The following BANK1 variants were observed in gnomAD, a reference collection of about 807,000 sequenced individuals.
BANK1 encodes B cell scaffold protein with ankyrin repeats 1.
BANK1 carries 95 observed loss-of-function variants against 94.5 expected under a neutral mutation model. The observed-to-expected ratio is 1.00, with a 90% CI of 0.85 to 1.19. The LOEUF (loss-of-function observed/expected upper bound fraction) is 1.19, where lower values mean the gene tolerates loss of function less well. Ranked by LOEUF, BANK1 falls within the 50% of genes most tolerant of loss-of-function variation. BANK1 has a pLI of 0.00. For synonymous variants in BANK1, 334 were observed against 308.4 expected, an observed-to-expected ratio of 1.08 and a Z score of -0.87; for missense variants, 987 against 932.2, an observed-to-expected ratio of 1.06 and a Z score of -0.77.
chr4:101,890,873 G>A (rs572172712), intron 5 of BANK1, among the ~76,000 whole-genome samples: 25 of 151,172 alleles, frequency 1.7e-4, no homozygotes, highest in Non-Finnish European at 2.5e-4. Flanking sequence ...ATAGTCTAGC[G>A]CTGTCTTCAT....
chr4:101,937,083 A>T (rs1030108486), intron 7 of BANK1, among the ~76,000 whole-genome samples: 1 of 151,714 alleles, frequency 6.6e-6, no homozygotes. Flanking sequence ...GATAAAGAAA[A>T]TGGGGTATGT....
chr4:101,846,583 G>C (rs777475751), intron 2 of BANK1, among the ~76,000 whole-genome samples: 1 of 152,162 alleles, frequency 6.6e-6, no homozygotes, highest in Non-Finnish European at 1.5e-5. Flanking sequence ...GGCCAAGAAG[G>C]CCTCAGGAAA....
At chr4:101,830,962 C>T (rs1169455754) in intron 2 of BANK1, among the ~76,000 whole-genome samples, 1 of 152,228 alleles carries the variant, frequency 6.6e-6, no homozygotes, top group East Asian at 1.9e-4. Context: ...ATTCCTTATT[C>T]GCTGGGAATG....
chr4:101,813,001 T>C (rs1334532336), intron 1 of BANK1, among the ~76,000 whole-genome samples: 2 of 152,162 alleles, frequency 1.3e-5, no homozygotes, highest in South Asian at 2.1e-4. Flanking sequence ...TTAGTATGAA[T>C]TTAAATACTC....
chr4:101,935,893 C>T (rs189044512), intron 7 of BANK1, among the ~76,000 whole-genome samples: 7 of 151,596 alleles, frequency 4.6e-5, no homozygotes, highest in African/African-American at 1.4e-4. Flanking sequence ...CCCTGTCTCT[C>T]ACCATATACA....
At chr4:102,050,628 T>C (rs1560709071) in intron 11 of BANK1, among the ~76,000 whole-genome samples, 2 of 152,222 alleles carry the variant, frequency 1.3e-5, no homozygotes, top group Admixed American at 6.5e-5. Context: ...TTTAAGACCA[T>C]GCTTCCTGAA....
intron 6 of BANK1, among the ~76,000 whole-genome samples, chr4:101,896,100 A>C (rs1274350888): frequency 1.3e-5 from 2 of 151,986 alleles, no homozygotes; most frequent in African/African-American, 4.8e-5. Flanking sequence ...TATGTGGTTA[A>C]AAATATACAA....
intron 2 of BANK1, among the ~76,000 whole-genome samples, chr4:101,846,262 C>A (rs1387159956): frequency 6.6e-6 from 1 of 152,302 alleles, no homozygotes; most frequent in South Asian, 2.1e-4. Context: ...ATGATGAGTT[C>A]ATGTCCTTTG....
Position 101,856,386 on chromosome 4 carries a change from A to G in BANK1, c.624+1197A>G, listed in dbSNP as rs75950950. Reference sequence around the variant, plus strand: ...GAAAAATTACAAGGGCTCAGAACTTAAAGGAAGGAGATCAGGCTGAACAGT... The same window carrying G: ...GAAAAATTACAAGGGCTCAGAACTTGAAGGAAGGAGATCAGGCTGAACAGT... On this transcript the variant is annotated intron_variant, in intron 3 of 16. Transcript: ENST00000322953. Among the ~76,000 whole-genome samples the G allele has an allele frequency of 2.2e-4, 11 of 50,612 alleles. No individual in the cohort carries two copies. In the South Asian group the frequency reaches 3.2e-3, roughly 15 times the overall value. 33.2% of individuals were successfully genotyped at this position (50,612 alleles called of 152,430 possible).
At chr4:101,904,184 T>A (rs765224384) in intron 6 of BANK1, among the ~76,000 whole-genome samples, 12 of 152,220 alleles carry the variant, frequency 7.9e-5, no homozygotes, top group Non-Finnish European at 1.3e-4. Flanking sequence ...AAAGAAACAG[T>A]CTTTTAAATC....
At chr4:101,870,670 A>C (rs1419844007) in intron 5 of BANK1, 26 bp downstream of exon 5, 2 of 1,601,680 alleles carry the variant, frequency 1.2e-6, no homozygotes, top group South Asian at 2.2e-5. Context: ...CACGAAGTTA[A>C]TCATAATGTA....
At chr4:101,979,682 C>T (rs944049662) in intron 7 of BANK1, among the ~76,000 whole-genome samples, 1 of 151,768 alleles carries the variant, frequency 6.6e-6, no homozygotes, top group African/African-American at 2.4e-5. Flanking sequence ...CATACATTTA[C>T]ATATGTGTAT....
chr4:101,981,285 A>G (rs1725317495), intron 7 of BANK1, among the ~76,000 whole-genome samples: 1 of 152,116 alleles, frequency 6.6e-6, no homozygotes, highest in African/African-American at 2.4e-5. Context: ...TCAAGAATGC[A>G]TGTTGAATTT....
intron 5 of BANK1, among the ~76,000 whole-genome samples, chr4:101,891,457 G>A (rs1173240575): frequency 1.3e-5 from 2 of 151,734 alleles, no homozygotes; most frequent in African/African-American, 4.8e-5. Flanking sequence ...ATTAGTCTTG[G>A]CATGGAATTG....
At chr4:101,954,756 A>G in intron 7 of BANK1, among the ~76,000 whole-genome samples, 1 of 152,156 alleles carries the variant, frequency 6.6e-6, no homozygotes, top group Non-Finnish European at 1.5e-5. Context: ...ACCATGTGCA[A>G]TTACTGAAAC....
At chr4:101,790,995 T>G (rs774172760) in intron 1 of BANK1, 45 bp downstream of exon 1, 54 of 1,423,648 alleles carry the variant, frequency 3.8e-5, no homozygotes, top group East Asian at 2.6e-4. Flanking sequence ...GAGGCCGGGC[T>G]ACGGGGCTCT....
At chr4:101,826,465 T>G (rs982685846) in intron 1 of BANK1, among the ~76,000 whole-genome samples, 26 of 152,016 alleles carry the variant, frequency 1.7e-4, no homozygotes, top group African/African-American at 6.3e-4. Context: ...AGACCTAATT[T>G]ATTTTAAATG....
chr4:101,964,342 G>A (rs1724673715), intron 7 of BANK1, among the ~76,000 whole-genome samples: 1 of 151,798 alleles, frequency 6.6e-6, no homozygotes. Flanking sequence ...GAATAGTACT[G>A]CCACTTTGCC....
At position 101,832,126 on chromosome 4, in the gene BANK1, G is replaced by T. The variant is rs140886595; in HGVS notation, c.469+1920G>T. Among the ~76,000 whole-genome samples, 501 of 152,340 alleles carry T rather than the reference G, an allele frequency of 3.3e-3. 3 individuals are homozygous for T. Among genetic ancestry groups the T allele is most frequent in the African/African-American group, 0.011 (476 of 41,582 alleles). ...GTTTGTCTCTTGTCTTACACTGAAG[G>T]TAGAGTTTGTCTGAGGACAGTATTG... is the stretch of plus-strand genomic sequence containing the variant. On this transcript the variant is annotated intron_variant, in intron 2 of 16. Transcript: ENST00000322953.
Sources: gnomAD v4.1 joint callset for allele counts (sites outside exome capture counted in the v4.1 genomes callset) on GRCh38, gnomAD v4.1.1 for gene constraint, MANE v1.5 for transcripts, NCBI Gene and HGNC (gene_info 2026-07-23, HGNC 2026-07-21) for gene names.